Variants in PRKD1 observed in about 807,000 individuals in gnomAD.
The protein encoded by PRKD1 is protein kinase D1, also known as serine/threonine-protein kinase D1.
A neutral mutation model predicts 95.9 loss-of-function variants in PRKD1; 63 were observed. That is an observed-to-expected ratio of 0.66 (90% CI 0.54 to 0.81). The LOEUF is 0.81. PRKD1 is among the 30% of genes least tolerant of loss of function. PRKD1 has a pLI of 0.00. For synonymous variants in PRKD1, 425 were observed against 423.1 expected (o/e 1.00, Z -0.05); for missense variants, 1,048 against 1,165.3 (o/e 0.90, Z 1.47).
chr14:29,927,818 C>T lies in PRKD1; in HGVS notation c.-306G>A, dbSNP rs1459305994. 1 of 152,382 alleles carries T rather than the reference C, an allele frequency of 6.6e-6. No individual in the cohort carries two copies. The highest frequency in any genetic ancestry group is 1.4e-5 in the Non-Finnish European group (1 of 69,156). 9.4% of individuals were successfully genotyped at this position (152,382 alleles called of 1,614,324 possible). On this transcript the variant is annotated 5_prime_UTR_variant, in exon 1 of 18. Transcript: ENST00000331968. ...GGCGCCGCCGCCGCCAAGAATCTGC[C>T]GCCTGGCGCGCTCGGAAGGACGGGG... is the stretch of plus-strand genomic sequence containing the variant.
At chr14:29,598,993 C>T in intron 15 of PRKD1, 34 bp downstream of exon 15, 1 of 1,550,740 alleles carries the variant, frequency 6.4e-7, no homozygotes, top group Non-Finnish European at 8.9e-7. Context: ...ATGCTTCCAA[C>T]TGGCTTTTTG....
intron 4 of PRKD1, among the ~76,000 whole-genome samples, chr14:29,647,226 C>T (rs1881182811): frequency 6.6e-6 from 1 of 152,116 alleles, no homozygotes; most frequent in Non-Finnish European, 1.5e-5. Context: ...ACAAGGTGAT[C>T]TGGATTTGCT....
intron 1 of PRKD1, among the ~76,000 whole-genome samples, chr14:29,810,231 A>T (rs1890424153): frequency 6.6e-6 from 1 of 152,212 alleles, no homozygotes; most frequent in Non-Finnish European, 1.5e-5. Context: ...ATGACACAGA[A>T]ACTTGAAGTG....
intron 1 of PRKD1, among the ~76,000 whole-genome samples, chr14:29,783,707 G>A (rs999282434): frequency 2.6e-5 from 4 of 152,086 alleles, no homozygotes; most frequent in Non-Finnish European, 5.9e-5. Context: ...ATATCTCACT[G>A]TGGTTTTGAT....
intron 1 of PRKD1, among the ~76,000 whole-genome samples, chr14:29,906,865 A>AT (rs1894514110): frequency 6.6e-6 from 1 of 152,020 alleles, no homozygotes; most frequent in Non-Finnish European, 1.5e-5. Flanking sequence ...TTATTTTCTG[A>AT]TTTTTTTCTC....
At chr14:29,708,953 A>G (rs1386175738) in intron 2 of PRKD1, among the ~76,000 whole-genome samples, 1 of 152,166 alleles carries the variant, frequency 6.6e-6, no homozygotes, top group African/African-American at 2.4e-5. Context: ...TTATTATAAG[A>G]TATATTTTGG....
intron 1 of PRKD1, among the ~76,000 whole-genome samples, chr14:29,774,743 T>C (rs949525152): frequency 9.2e-5 from 14 of 152,180 alleles, no homozygotes; most frequent in Middle Eastern, 3.4e-3. Context: ...TTTGGGGAAA[T>C]GAAGTACCTT....
At chr14:29,776,939 G>A (rs1000909857) in intron 1 of PRKD1, among the ~76,000 whole-genome samples, 28 of 152,186 alleles carry the variant, frequency 1.8e-4, no homozygotes, top group South Asian at 6.2e-4. Context: ...GACTAAGAGC[G>A]GATCTCTCTG....
rs1160665728 is a variant in PRKD1 at position 29,927,819 on chromosome 14, G to C, written c.-307C>G. The C allele has an allele frequency of 6.6e-6, 1 of 152,412 alleles. No homozygotes were observed. Among genetic ancestry groups the C allele is most frequent in the South Asian group, 2.1e-4 (1 of 4,804 alleles). 9.4% of individuals were successfully genotyped at this position (152,412 alleles called of 1,614,324 possible). On this transcript the variant is annotated 5_prime_UTR_variant, in exon 1 of 18. Coordinates refer to ENST00000331968, the MANE Select transcript of PRKD1 (RefSeq NM_002742.3). ...GCGCCGCCGCCGCCAAGAATCTGCC[G>C]CCTGGCGCGCTCGGAAGGACGGGGC...
chr14:29,749,172 C>CA lies in PRKD1; in HGVS notation c.265-23499dup, dbSNP rs552318485. 3.9e-5 allele frequency among the ~76,000 whole-genome samples: 6 copies of CA among 152,274 alleles called. No individual in the cohort carries two copies. The South Asian group carries it at 1.2e-3, about 32-fold the overall frequency. ...GGAGAGGGAATAAGCTTTTGCACAA[C>CA]AGGACTTCATTCTGCTGTTATCTTA... On this transcript the variant is annotated intron_variant, in intron 1 of 17. Transcript: ENST00000331968.
chr14:29,715,619 G>A lies in PRKD1; in HGVS notation c.403+9917C>T, dbSNP rs144886336. Among the ~76,000 whole-genome samples the A allele has an allele frequency of 8.9e-3, 1,350 of 152,200 alleles. 16 individuals carry two copies. Among genetic ancestry groups the A allele is most frequent in the African/African-American group, 0.031 (1,297 of 41,524 alleles). ...TTTAAGCCTCAAGCACAAGAAATTT[G>A]TGCTGTCCAATTCAGCAGAAAACCA... On this transcript the variant is annotated intron_variant, in intron 2 of 17. Coordinates refer to ENST00000331968, the MANE Select transcript of PRKD1 (RefSeq NM_002742.3).
intron 1 of PRKD1, among the ~76,000 whole-genome samples, chr14:29,893,278 C>A (rs1894003206): frequency 1.3e-5 from 2 of 151,820 alleles, no homozygotes; most frequent in African/African-American, 4.8e-5. Context: ...TTATTACCAA[C>A]AAAACCAAAT....
chr14:29,735,351 T>C (rs892052280), intron 1 of PRKD1, among the ~76,000 whole-genome samples: 1 of 152,210 alleles, frequency 6.6e-6, no homozygotes, highest in Non-Finnish European at 1.5e-5. Context: ...AGTTATAAGG[T>C]TGTCCCTGAT....
Position 29,826,780 on chromosome 14 carries a change from TACATATATACACATATATATAC to T in PRKD1, c.264+100447_264+100468del, listed in dbSNP as rs1566622821. ...ATACATATATATATACACATATATA[TACATATATACACATATATATAC>T]ACATATATATACACATATATATATA... On this transcript the variant is annotated intron_variant, in intron 1 of 17. Transcript: ENST00000331968. Among the ~76,000 whole-genome samples the T allele has an allele frequency of 3.7e-4, 15 of 40,546 alleles. 1 individual carries two copies. Among genetic ancestry groups the T allele is most frequent in the Admixed American group, 7.4e-4 (2 of 2,708 alleles). 26.6% of individuals were successfully genotyped at this position (40,546 alleles called of 152,430 possible).
At chr14:29,726,351 C>T (rs1353514599) in intron 1 of PRKD1, among the ~76,000 whole-genome samples, 1 of 152,088 alleles carries the variant, frequency 6.6e-6, no homozygotes, top group Non-Finnish European at 1.5e-5. Context: ...TTAAAGCAAA[C>T]AACCTAGGCT....
At chr14:29,638,251 C>A in intron 6 of PRKD1, 2 of 495,278 alleles carry the variant, frequency 4.0e-6, no homozygotes, top group South Asian at 3.7e-5. Context: ...TTATGGCTAC[C>A]CAAGTTTTCA....
intron 1 of PRKD1, among the ~76,000 whole-genome samples, chr14:29,850,887 A>C (rs1408193596): frequency 1.4e-5 from 2 of 147,278 alleles, no homozygotes; most frequent in African/African-American, 2.6e-5. Flanking sequence ...AAAACAGACA[A>C]AAAAAAATTA....
chr14:29,598,714 G>GT (rs1380093861), intron 15 of PRKD1, among the ~76,000 whole-genome samples: 2 of 152,196 alleles, frequency 1.3e-5, no homozygotes, highest in African/African-American at 4.8e-5. Flanking sequence ...GAGAACAACA[G>GT]TGAGGTTTAA....
intron 1 of PRKD1, among the ~76,000 whole-genome samples, chr14:29,752,088 C>T (rs1005994431): frequency 6.6e-6 from 1 of 152,082 alleles, no homozygotes; most frequent in African/African-American, 2.4e-5. Flanking sequence ...CAGAACTACA[C>T]TAATTGATAC....
Sources: gnomAD v4.1 joint callset for allele counts (sites outside exome capture counted in the v4.1 genomes callset) on GRCh38, gnomAD v4.1.1 for gene constraint, MANE v1.5 for transcripts, NCBI Gene and HGNC (gene_info 2026-07-23, HGNC 2026-07-21) for gene names.